Variants in CSMD1 observed in about 807,000 individuals in gnomAD.
CSMD1 encodes the protein CUB and sushi domain-containing protein 1.
In CSMD1, 213 loss-of-function variants were observed where a neutral mutation model predicts 417.5. That is an observed-to-expected ratio of 0.51 (90% CI 0.46 to 0.57). The LOEUF is 0.57. Among genes scored for constraint, CSMD1 ranks in the 20% least tolerant of loss-of-function variants. The probability of loss-of-function intolerance (pLI) is 0.00; values close to 1 mark genes in which losing one functional copy is unlikely to be tolerated. For missense variants in CSMD1, 6,923 were observed against 4,529.7 expected (o/e 1.53, Z -15.17); for synonymous variants, 2,862 against 1,736.8 (o/e 1.65, Z -16.11).
chr8:3,505,764 G>C (rs1045385139), intron 10 of CSMD1, among the ~76,000 whole-genome samples: 2 of 152,132 alleles, frequency 1.3e-5, no homozygotes, highest in African/African-American at 2.4e-5. Flanking sequence ...TAGCAAACAG[G>C]CTATTTTATG....
chr8:4,645,762 G>A (rs1803481183), intron 1 of CSMD1, among the ~76,000 whole-genome samples: 1 of 152,124 alleles, frequency 6.6e-6, no homozygotes, highest in South Asian at 2.1e-4. Context: ...GAAAGATGAT[G>A]AGTGGGATTT....
At chr8:4,144,858 G>T (rs934637966) in intron 3 of CSMD1, among the ~76,000 whole-genome samples, 2 of 150,954 alleles carry the variant, frequency 1.3e-5, no homozygotes, top group South Asian at 2.1e-4. Flanking sequence ...CAGGGGAATT[G>T]TGTCCCTGGG....
chr8:4,750,547 C>T (rs1811248988), intron 1 of CSMD1, among the ~76,000 whole-genome samples: 1 of 151,984 alleles, frequency 6.6e-6, no homozygotes, highest in African/African-American at 2.4e-5. Flanking sequence ...AAAATTTTAT[C>T]AGCATAGGTC....
intron 2 of CSMD1, among the ~76,000 whole-genome samples, chr8:4,570,325 T>G (rs1305499399): frequency 6.6e-6 from 1 of 152,186 alleles, no homozygotes; most frequent in African/African-American, 2.4e-5. Context: ...CAATACCTAG[T>G]TTATTATTTT....
intron 3 of CSMD1, among the ~76,000 whole-genome samples, chr8:4,409,170 A>G (rs1214345793): frequency 1.3e-5 from 2 of 152,318 alleles, no homozygotes; most frequent in Middle Eastern, 3.4e-3. Context: ...TGACCTTCAA[A>G]TGGGAGATTT....
chr8:3,497,562 G>A (rs371792639), intron 10 of CSMD1, among the ~76,000 whole-genome samples: 1 of 152,070 alleles, frequency 6.6e-6, no homozygotes, highest in African/African-American at 2.4e-5. Context: ...AATATACCCA[G>A]CCATTTCACA....
chr8:4,190,785 C>A (rs1194183462), intron 3 of CSMD1, among the ~76,000 whole-genome samples: 1 of 152,068 alleles, frequency 6.6e-6, no homozygotes, highest in Admixed American at 6.5e-5. Context: ...AAAATGAGAG[C>A]ATGTCCTCTG....
chr8:4,451,438 G>C (rs528026683), intron 2 of CSMD1, among the ~76,000 whole-genome samples: 2 of 152,138 alleles, frequency 1.3e-5, no homozygotes, highest in Non-Finnish European at 2.9e-5. Flanking sequence ...AAAGTGGTCA[G>C]AAAAGCTTAT....
intron 41 of CSMD1, among the ~76,000 whole-genome samples, chr8:3,140,594 A>G (rs1818378312): frequency 6.6e-6 from 1 of 152,082 alleles, no homozygotes; most frequent in Non-Finnish European, 1.5e-5. Flanking sequence ...TATATTTTAT[A>G]TTTTAGGTGA....
rs1056824122 is a variant in CSMD1 at position 4,146,260 on chromosome 8, G to A, written c.416-114161C>T. On this transcript the variant is annotated intron_variant, in intron 3 of 69. Coordinates refer to ENST00000635120, the MANE Select transcript of CSMD1 (RefSeq NM_033225.6). ...CCTCTCCCAGGACCCTCATCCACTC[G>A]AGGCAGTAATTCGCGTAGTGCAGTC... Among the ~76,000 whole-genome samples the A allele has an allele frequency of 6.0e-5, 9 of 151,006 alleles. 1 individual carries two copies. Among genetic ancestry groups the A allele is most frequent in the African/African-American group, 1.7e-4 (7 of 40,388 alleles).
intron 4 of CSMD1, among the ~76,000 whole-genome samples, chr8:4,004,253 A>G (rs1955096): frequency 0.6 from 91,767 of 151,832 alleles, 27,987 homozygotes; most frequent in South Asian, 0.73. Context: ...TTAACATCTA[A>G]AAAACATCCC....
chr8:4,722,015 G>A (rs1249029707), intron 1 of CSMD1, among the ~76,000 whole-genome samples: 2 of 152,108 alleles, frequency 1.3e-5, no homozygotes, highest in African/African-American at 2.4e-5. Flanking sequence ...GGAGTGGGCT[G>A]GCATCGAATG....
chr8:3,757,246 C>T (rs1409046156), intron 5 of CSMD1, among the ~76,000 whole-genome samples: 1 of 152,124 alleles, frequency 6.6e-6, no homozygotes, highest in Non-Finnish European at 1.5e-5. Context: ...TTGTGTCAGT[C>T]AACAGGATAT....
At chr8:3,348,459 A>G (rs1184531638) in intron 21 of CSMD1, among the ~76,000 whole-genome samples, 1 of 152,218 alleles carries the variant, frequency 6.6e-6, no homozygotes, top group African/African-American at 2.4e-5. Flanking sequence ...CTCCAGCACC[A>G]TGGCTCACTG....
chr8:3,173,490 T>G (rs186531288), intron 37 of CSMD1, among the ~76,000 whole-genome samples: 2 of 152,190 alleles, frequency 1.3e-5, no homozygotes, highest in Non-Finnish European at 2.9e-5. Flanking sequence ...AACTGTGAAG[T>G]TGAAGGTGGG....
intron 1 of CSMD1, among the ~76,000 whole-genome samples, chr8:4,961,591 CT>C (rs1809489259): frequency 6.6e-6 from 1 of 152,120 alleles, no homozygotes; most frequent in Non-Finnish European, 1.5e-5. Flanking sequence ...CTCATGGTTA[CT>C]GTGAAATTCT....
At chr8:4,730,884 G>C (rs1412075060) in intron 1 of CSMD1, among the ~76,000 whole-genome samples, 4 of 149,900 alleles carry the variant, frequency 2.7e-5, no homozygotes, top group Non-Finnish European at 5.9e-5. Flanking sequence ...CTTGAGAAAG[G>C]CTTTCCTGTG....
chr8:4,414,457 T>C (rs951253401), intron 3 of CSMD1, among the ~76,000 whole-genome samples: 1 of 152,194 alleles, frequency 6.6e-6, no homozygotes, highest in Non-Finnish European at 1.5e-5. Context: ...GATCCCTCAT[T>C]TTCTGTTTGT....
At chr8:3,198,688 T>G (rs948764980) in intron 33 of CSMD1, among the ~76,000 whole-genome samples, 1 of 152,164 alleles carries the variant, frequency 6.6e-6, no homozygotes, top group Non-Finnish European at 1.5e-5. Flanking sequence ...TGTTTTGAAG[T>G]CATGAATTTC....
Sources: allele counts gnomAD v4.1 joint callset (sites outside exome capture counted in the v4.1 genomes callset), GRCh38; gene constraint gnomAD v4.1.1; transcripts MANE v1.5; gene names NCBI Gene and HGNC (gene_info 2026-07-23, HGNC 2026-07-21).